TTC14: variants seen among roughly 807,000 people sequenced by gnomAD.
The protein encoded by TTC14 is tetratricopeptide repeat domain 14, also known as tetratricopeptide repeat protein 14.
A neutral mutation model predicts 79.9 loss-of-function variants in TTC14; 63 were observed. The ratio of observed to expected loss-of-function variants is 0.79; its 90% CI spans 0.64 to 0.97. The LOEUF is 0.97. TTC14 is among the 50% of genes least tolerant of loss of function. TTC14 has a pLI of 0.00. For synonymous variants in TTC14, 335 were observed against 309.6 expected, an observed-to-expected ratio of 1.08 and a Z score of -0.86; for missense variants, 895 against 894.0, an observed-to-expected ratio of 1.00 and a Z score of -0.01.
rs1238848692 is a variant in TTC14, at chr3:180,611,045, T to A, written c.*503T>A. On this transcript the variant is annotated 3_prime_UTR_variant, in exon 12 of 12. Transcript: ENST00000296015. Reference sequence around the variant, plus strand: ...TTAAATATTACATTTTTTGCCCAATTTTTTTTAAAATTTTTAAATGGTAGA... The same window carrying A: ...TTAAATATTACATTTTTTGCCCAATATTTTTTAAAATTTTTAAATGGTAGA... 1 of 956,214 alleles carries A rather than the reference T, an allele frequency of 1.0e-6. No individual in the cohort carries two copies. The highest frequency in any genetic ancestry group is 1.2e-6 in the Non-Finnish European group (1 of 803,352). 59.2% of individuals were successfully genotyped at this position (956,214 alleles called of 1,614,324 possible).
At chr3:180,606,106 G>T in intron 7 of TTC14, 147 bp from the exon 8 acceptor site, 1 of 1,111,860 alleles carries the variant, frequency 9.0e-7, no homozygotes. Flanking sequence ...AAAGGCAGAA[G>T]AACGTTCCTT....
rs1350027357 is a variant in TTC14, at chr3:180,608,688, TG to T, written c.1291-10del. The T allele has an allele frequency of 2.0e-6, 3 of 1,507,570 alleles. No homozygotes were observed. In the Admixed American group the frequency reaches 8.2e-5, roughly 41 times the overall value. 93.4% of individuals were successfully genotyped at this position (1,507,570 alleles called of 1,614,324 possible). A position where few individuals can be genotyped will look rare whatever the true frequency, so the allele number is the denominator to read the frequency against. ...TTAACGTGTGGTTTTTTTCGATATC[TG>T]GGTTCTAAAAGAAATCTTTGGAATT... On this transcript the variant is annotated splice_polypyrimidine_tract_variant and intron_variant, in intron 10 of 11. Coordinates refer to ENST00000296015, the MANE Select transcript of TTC14 (RefSeq NM_133462.4).
In TTC14 at chr3:180,606,384, A is replaced by G. The variant is rs765651903; in HGVS notation, c.1049+12A>G. ...GCTCGTGGAGCATTGTAAGTGAATC[A>G]TACATGGATTTTAAGGAATGTTTAC... is the stretch of plus-strand genomic sequence containing the variant. On this transcript the variant is annotated intron_variant, in intron 8 of 11. Transcript: ENST00000296015. 2 of 1,613,866 alleles carry G rather than the reference A, an allele frequency of 1.2e-6. No individual in the cohort carries two copies. Among genetic ancestry groups the G allele is most frequent in the South Asian group, 1.1e-5 (1 of 91,034 alleles).
chr3:180,616,484 T>C, intron 12 of TTC14: 1 of 1,507,940 alleles, frequency 6.6e-7, no homozygotes, highest in Non-Finnish European at 8.9e-7. Flanking sequence ...ATGAAGTTTT[T>C]AAGAAATATT....
Position 180,602,436 on chromosome 3 carries a change from G to A in TTC14, c.161+14G>A. The A allele has an allele frequency of 2.5e-6, 4 of 1,592,054 alleles. No homozygotes were observed. The highest frequency in any genetic ancestry group is 3.4e-6 in the Non-Finnish European group (4 of 1,174,504). ...GTTGCAGGGCAGGTAATGAGACGTT[G>A]GTGCCACTGCGCCACGGAAGAGGGG... On this transcript the variant is annotated intron_variant, in intron 1 of 11. Coordinates refer to ENST00000296015, the MANE Select transcript of TTC14 (RefSeq NM_133462.4).
At chr3:180,606,075 A>G (rs1576920372) in intron 7 of TTC14, 178 bp from the exon 8 acceptor site, 2 of 919,284 alleles carry the variant, frequency 2.2e-6, no homozygotes, top group East Asian at 2.6e-5. Flanking sequence ...GGTTTCACCA[A>G]TATTTGTTGT....
In TTC14 at chr3:180,603,124, A is replaced by G. The variant is rs1353360971; in HGVS notation, c.287A>G (p.Asp96Gly). Residue 96 changes from aspartate to glycine, a missense_variant and splice_region_variant, in exon 3 of 12, where the codon GAT becomes GGT. By Grantham distance (94) the Asp-to-Gly change is moderately conservative. Transcript: ENST00000296015. ...GATTTTGTTAATTTTTTTTTTTTAGATCATTATGCAATCATGCCACCTTTA... is the reference window on the plus strand; with the variant it reads ...GATTTTGTTAATTTTTTTTTTTTAGGTCATTATGCAATCATGCCACCTTTA... ...ATSEINEDSE[D>G]HYAIMPPLEQ... 1 of 1,606,508 alleles carries G rather than the reference A, an allele frequency of 6.2e-7. No homozygotes were observed. The highest frequency in any genetic ancestry group is 2.2e-5 in the East Asian group (1 of 44,832).
rs745654642 is a variant in TTC14, at chr3:180,603,303, A to G, written c.466A>G (p.Ile156Val). 1 of 1,613,922 alleles carries G rather than the reference A, an allele frequency of 6.2e-7. No homozygotes were observed. The highest frequency in any genetic ancestry group is 8.5e-7 in the Non-Finnish European group (1 of 1,179,940). Residue 156 changes from isoleucine (I) to valine (V), a missense_variant, in exon 3 of 12, where the codon ATA becomes GTA. Physicochemically the swap from Ile to Val is conservative, Grantham distance 29. Transcript: ENST00000296015. ...TTTAGGAAGTGGTATCATGAGAGAT[A>G]TAGCCCACTTAGAAATCACAGTAAG... is the stretch of plus-strand genomic sequence containing the variant. ...ICLGSGIMRD[I>V]AHLEITALCP...
chr3:180,609,075 A>G, intron 11 of TTC14: 1 of 913,546 alleles, frequency 1.1e-6, no homozygotes, highest in Non-Finnish European at 1.3e-6. Context: ...AGGAAGAAAT[A>G]TTTTAGAACT....
At chr3:180,604,146 C>G (rs1689433873) in intron 3 of TTC14, 79 bp from the exon 4 acceptor site, 1 of 1,272,402 alleles carries the variant, frequency 7.9e-7, no homozygotes, top group South Asian at 1.2e-5. Context: ...TGTTTCATAC[C>G]AAACAACTAA....
chr3:180,616,270 C>T lies in TTC14; in HGVS notation c.1775-1110C>T, dbSNP rs751853252. ...AGAGTTAAGCAGATTTTTTTTTAAC[C>T]CTCCGCTTACCTTGCTGATAGTGAA... is the stretch of plus-strand genomic sequence containing the variant. On this transcript the variant is annotated intron_variant, in intron 12 of 12. Coordinates refer to the TTC14 transcript ENST00000382584. 4 of 1,611,686 alleles carry T rather than the reference C, an allele frequency of 2.5e-6. No homozygotes were observed. Among genetic ancestry groups the T allele is most frequent in the Admixed American group, 1.7e-5 (1 of 59,832 alleles).
chr3:180,602,378 C>T lies in TTC14; in HGVS notation c.117C>T (p.Ala39=), dbSNP rs1235828865. Residue 39 remains alanine (A), a synonymous_variant, in exon 1 of 12, where the codon GCC becomes GCT. Coordinates refer to ENST00000296015, the MANE Select transcript of TTC14 (RefSeq NM_133462.4). ...TCCGTAGCCTCCTGGGGTCGGCCGC[C>T]GAGCCAGCCCGGGGCCCGCCGCCCC... The part of the protein sequence containing the change: ...PHFRSLLGSA[A]EPARGPPPQH... The T allele has an allele frequency of 1.9e-6, 3 of 1,610,406 alleles. No individual in the cohort carries two copies. In the African/African-American group the frequency reaches 4.0e-5, roughly 22 times the overall value.
At chr3:180,609,327 C>A in intron 11 of TTC14, 2 of 1,039,426 alleles carry the variant, frequency 1.9e-6, no homozygotes, top group Admixed American at 5.1e-5. Context: ...CTAGAGGTAG[C>A]CAAATAAAAA....
chr3:180,609,032 A>G (rs780963338), intron 11 of TTC14: 1 of 1,022,428 alleles, frequency 9.8e-7, no homozygotes, highest in Non-Finnish European at 1.2e-6. Flanking sequence ...TCTTAGAATT[A>G]AAATATAGAA....
intron 1 of TTC14, 122 bp downstream of exon 1, chr3:180,602,544 C>T (rs1222009267): frequency 2.3e-6 from 3 of 1,321,734 alleles, no homozygotes; most frequent in Non-Finnish European, 3.0e-6. Flanking sequence ...AGGACGATCG[C>T]GCGCTGGTGT....
At chr3:180,615,656 A>G (rs572882793), downstream of TTC14, among the ~76,000 whole-genome samples, 1 of 152,272 alleles carries the variant, frequency 6.6e-6, no homozygotes, top group South Asian at 2.1e-4. Context: ...ACCTGGACTA[A>G]GGAATAGTAA....
Position 180,607,781 on chromosome 3 carries a change from CT to C in TTC14, c.1290+17del, listed in dbSNP as rs531975814. ...ATATATGCAGGTGATTCCTTATTTC[CT>C]CTTAGAAATTTAGTGATATTTGAAA... On this transcript the variant is annotated intron_variant, in intron 10 of 11. Transcript: ENST00000296015. The C allele has an allele frequency of 9.2e-5, 147 of 1,599,568 alleles. 1 individual carries two copies. Among genetic ancestry groups the C allele is most frequent in the Non-Finnish European group, 7.6e-5 (89 of 1,176,130 alleles).
Position 180,610,390 on chromosome 3 carries a change from G to T in TTC14, c.2161G>T (p.Asp721Tyr). The T allele has an allele frequency of 6.2e-7, 1 of 1,613,668 alleles. No homozygotes were observed. The highest frequency in any genetic ancestry group is 1.7e-5 in the Admixed American group (1 of 59,976). Residue 721 changes from aspartate (D) to tyrosine (Y), a missense_variant, in exon 12 of 12, where the codon GAT becomes TAT. Asp to Tyr is a radical substitution (Grantham distance 160). Transcript: ENST00000296015. Reference protein sequence around the residue: ...EYEREDNYGEDIKTEVPEEDA... With the variant: ...EYEREDNYGEYIKTEVPEEDA... The stretch of plus-strand genomic sequence containing the variant: ...TGAAAGAGAGGACAATTATGGGGAG[G>T]ATATCAAAACAGAGGTTCCAGAAGA...
chr3:180,608,227 C>G, intron 10 of TTC14: 1 of 990,870 alleles, frequency 1.0e-6, no homozygotes, highest in Non-Finnish European at 1.2e-6. Context: ...AAATGATTTC[C>G]TATGTAATCA....
Sources: allele counts gnomAD v4.1 joint callset (sites outside exome capture counted in the v4.1 genomes callset), GRCh38; gene constraint gnomAD v4.1.1; transcripts MANE v1.5; gene names NCBI Gene and HGNC (gene_info 2026-07-23, HGNC 2026-07-21).